The following YTHDF2 variants were observed in gnomAD, a reference collection of about 807,000 sequenced individuals.
The protein encoded by YTHDF2 is YTH domain-containing family protein 2.
YTHDF2 carries 2 observed loss-of-function variants against 50.4 expected under a neutral mutation model. That is an observed-to-expected ratio of 0.04 (90% confidence interval 0.02 to 0.12). YTHDF2 has a LOEUF of 0.12. Ranked by LOEUF, YTHDF2 falls within the 10% of genes least tolerant of loss-of-function variation. The probability of loss-of-function intolerance (pLI) is 1.00; values close to 1 mark genes in which losing one functional copy is unlikely to be tolerated. For missense variants in YTHDF2, 483 were observed against 722.6 expected (o/e 0.67, Z 3.80); for synonymous variants, 217 against 255.6 (o/e 0.85, Z 1.44).
intron 4 of YTHDF2, among the ~76,000 whole-genome samples, chr1:28,768,462 T>C (rs1442251500): frequency 6.6e-6 from 1 of 152,058 alleles, no homozygotes; most frequent in Non-Finnish European, 1.5e-5. Context: ...CATAACCCTG[T>C]GAGATACTTA....
intron 4 of YTHDF2, among the ~76,000 whole-genome samples, chr1:28,752,541 G>T (rs1392809280): frequency 6.6e-6 from 1 of 152,162 alleles, no homozygotes; most frequent in Non-Finnish European, 1.5e-5. Context: ...TGATCTGCCT[G>T]CCTCGGCCTC....
chr1:28,766,343 C>T (rs2088215740), intron 4 of YTHDF2, among the ~76,000 whole-genome samples: 1 of 152,136 alleles, frequency 6.6e-6, no homozygotes, highest in Admixed American at 6.6e-5. Context: ...TCTTGAACTC[C>T]TGTGCTCAAG....
At chr1:28,748,513 C>G (rs2087898558) in intron 4 of YTHDF2, among the ~76,000 whole-genome samples, 1 of 152,160 alleles carries the variant, frequency 6.6e-6, no homozygotes, top group Admixed American at 6.5e-5. Context: ...CATGATTGGG[C>G]AGTATCTTGG....
intron 4 of YTHDF2, among the ~76,000 whole-genome samples, chr1:28,760,533 G>A (rs970385140): frequency 2.0e-5 from 3 of 151,850 alleles, no homozygotes; most frequent in Non-Finnish European, 4.4e-5. Flanking sequence ...CTGACTTTGT[G>A]ATCCACCTGC....
At chr1:28,746,149 C>G (rs549061739) in intron 4 of YTHDF2, among the ~76,000 whole-genome samples, 63 of 152,090 alleles carry the variant, frequency 4.1e-4, no homozygotes, top group Non-Finnish European at 8.1e-4. Context: ...TCTAGAGGGA[C>G]AAGTAAGGAG....
intron 4 of YTHDF2, 97 bp downstream of exon 4, chr1:28,744,083 A>G (rs2087819919): frequency 7.8e-7 from 1 of 1,283,828 alleles, no homozygotes; most frequent in Non-Finnish European, 1.0e-6. Flanking sequence ...AACTCTGTAA[A>G]TGAATACAGT....
chr1:28,749,983 G>GTTTTTTT (rs1374878554), intron 4 of YTHDF2, among the ~76,000 whole-genome samples: 2 of 55,254 alleles, frequency 3.6e-5, no homozygotes, highest in African/African-American at 1.1e-4. Flanking sequence ...GAAAAAAAAG[G>GTTTTTTT]TTGTTTTTTT....
chr1:28,745,845 G>C (rs2087851253), intron 4 of YTHDF2, among the ~76,000 whole-genome samples: 1 of 150,516 alleles, frequency 6.6e-6, no homozygotes, highest in Admixed American at 6.7e-5. Flanking sequence ...TTTAAGACCA[G>C]CCTGGGCAAT....
intron 4 of YTHDF2, among the ~76,000 whole-genome samples, chr1:28,754,758 T>TG (rs1267031258): frequency 6.8e-6 from 1 of 146,666 alleles, no homozygotes; most frequent in Non-Finnish European, 1.5e-5. Flanking sequence ...GAGCCGAGAT[T>TG]GCTCCACTGC....
rs528555470 is a variant in YTHDF2, at chr1:28,740,701, ATTAT to A, written c.133-1687_133-1684del. ...AAAGACCTCACTTTTGTTTTTATGT[ATTAT>A]TTATTTATTTATTTTTGAGATAGAG... On this transcript the variant is annotated intron_variant, in intron 3 of 4. Coordinates refer to ENST00000373812, the MANE Select transcript of YTHDF2 (RefSeq NM_016258.3). 1.4e-4 allele frequency among the ~76,000 whole-genome samples: 21 copies of A among 152,076 alleles called. No individual in the cohort carries two copies. In the South Asian group the frequency reaches 3.3e-3, roughly 24 times the overall value.
intron 1 of YTHDF2, 30 bp from the exon 2 acceptor site, chr1:28,737,628 G>C (rs369191393): frequency 3.2e-5 from 52 of 1,613,516 alleles, no homozygotes; most frequent in Non-Finnish European, 4.4e-5. Flanking sequence ...TGGACAACTT[G>C]CTGCTCGGCG....
intron 4 of YTHDF2, among the ~76,000 whole-genome samples, chr1:28,761,050 C>G (rs1221424421): frequency 6.6e-6 from 1 of 151,256 alleles, no homozygotes; most frequent in Non-Finnish European, 1.5e-5. Context: ...AATTTGTCAG[C>G]TCCATTATAA....
chr1:28,761,144 T>C (rs1465892152), intron 4 of YTHDF2, among the ~76,000 whole-genome samples: 2 of 147,264 alleles, frequency 1.4e-5, no homozygotes, highest in East Asian at 3.9e-4. Context: ...TTTTTTTTTT[T>C]TTTTTTTTGA....
At chr1:28,741,085 T>C (rs1300056981) in intron 3 of YTHDF2, among the ~76,000 whole-genome samples, 4 of 150,696 alleles carry the variant, frequency 2.7e-5, no homozygotes, top group Non-Finnish European at 1.5e-5. Context: ...GCAACCTCTG[T>C]CTCCTGAGTT....
intron 4 of YTHDF2, among the ~76,000 whole-genome samples, chr1:28,761,129 G>GTGTTT (rs1440540368): frequency 8.5e-5 from 3 of 35,296 alleles, no homozygotes; most frequent in South Asian, 5.5e-4. Flanking sequence ...GTGTGTGTGT[G>GTGTTT]TATTTTTTTT....
At chr1:28,765,812 T>C (rs114712233) in intron 4 of YTHDF2, among the ~76,000 whole-genome samples, 2,087 of 152,294 alleles carry the variant, frequency 0.014, 50 homozygotes, top group African/African-American at 0.048. Flanking sequence ...ATTTGAATGT[T>C]TTTAAAATGT....
intron 3 of YTHDF2, chr1:28,739,157 T>G (rs188652390): frequency 3.9e-5 from 6 of 152,292 alleles, no homozygotes; most frequent in African/African-American, 1.4e-4. Flanking sequence ...ATCATACCTG[T>G]GAAAAGCCAC....
intron 4 of YTHDF2, among the ~76,000 whole-genome samples, chr1:28,764,266 A>T (rs1205786944): frequency 1.4e-5 from 2 of 141,404 alleles, no homozygotes; most frequent in Non-Finnish European, 1.5e-5. Flanking sequence ...TTTTATTTTT[A>T]TTTATTTTTA....
At chr1:28,759,424 G>A (rs1380674137) in intron 4 of YTHDF2, among the ~76,000 whole-genome samples, 1 of 152,134 alleles carries the variant, frequency 6.6e-6, no homozygotes, top group Non-Finnish European at 1.5e-5. Flanking sequence ...ATCCCTTAGC[G>A]ATGGGGATAT....
Sources: gnomAD v4.1 joint callset for allele counts (sites outside exome capture counted in the v4.1 genomes callset) on GRCh38, gnomAD v4.1.1 for gene constraint, MANE v1.5 for transcripts, NCBI Gene and HGNC (gene_info 2026-07-23, HGNC 2026-07-21) for gene names.